The following B4GALT5 variants were observed in gnomAD, a reference collection of about 807,000 sequenced individuals.
The protein encoded by B4GALT5 is UDP-Gal:beta-GlcNAc beta-1,4-galactosyltransferase 5.
B4GALT5 carries 11 observed loss-of-function variants against 45.0 expected under a neutral mutation model. The ratio of observed to expected loss-of-function variants is 0.24; its 90% CI spans 0.15 to 0.40. The LOEUF is 0.40. Among genes scored for constraint, B4GALT5 ranks in the 10% least tolerant of loss-of-function variants. The pLI is 1.00. For missense variants in B4GALT5, 337 were observed against 500.2 expected (o/e 0.67, Z 3.11); for synonymous variants, 185 against 182.9 (o/e 1.01, Z -0.09).
At chr20:49,663,690 A>AAAAAAAAATATATAT (rs1555812124) in intron 1 of B4GALT5, among the ~76,000 whole-genome samples, 2 of 96,946 alleles carry the variant, frequency 2.1e-5, no homozygotes, top group African/African-American at 8.9e-5. Context: ...AAAAAAAAAA[A>AAAAAAAAATATATAT]ATATATACAT....
At chr20:49,672,794 A>G (rs1431509980) in intron 1 of B4GALT5, among the ~76,000 whole-genome samples, 5 of 152,180 alleles carry the variant, frequency 3.3e-5, no homozygotes, top group Non-Finnish European at 7.3e-5. Flanking sequence ...GACCTCCGCA[A>G]AGGCTTGGAT....
chr20:49,670,779 C>T (rs998766205), intron 1 of B4GALT5, among the ~76,000 whole-genome samples: 3 of 152,012 alleles, frequency 2.0e-5, no homozygotes, highest in Admixed American at 6.6e-5. Context: ...AACAGGTATC[C>T]CACACCTTGT....
intron 1 of B4GALT5, among the ~76,000 whole-genome samples, chr20:49,689,007 T>C (rs994360651): frequency 6.6e-6 from 1 of 150,418 alleles, no homozygotes; most frequent in Admixed American, 6.6e-5. Context: ...AAGAGAATGA[T>C]TGATCCAAAA....
rs943987157 is a variant in B4GALT5, at chr20:49,636,101, A to T, written c.*211T>A. On this transcript the variant is annotated 3_prime_UTR_variant, in exon 9 of 9. Coordinates refer to ENST00000371711, the MANE Select transcript of B4GALT5 (RefSeq NM_004776.4). Reference sequence around the variant, plus strand: ...ACAGAAAGCCAGTGCTGACGAAGGAAGTCCCCAAGCTCACTCCCTCAGTTC... The same window carrying T: ...ACAGAAAGCCAGTGCTGACGAAGGATGTCCCCAAGCTCACTCCCTCAGTTC... The T allele has an allele frequency of 5.0e-6, 3 of 600,716 alleles. No homozygotes were observed. Among genetic ancestry groups the T allele is most frequent in the Non-Finnish European group, 8.7e-6 (3 of 346,582 alleles). The allele number at this position is 600,716 out of a possible 1,614,324, so 37.2% of individuals were successfully genotyped here. A position where few individuals can be genotyped will look rare whatever the true frequency, so the allele number is the denominator to read the frequency against.
rs200662345 is a variant in B4GALT5, at chr20:49,713,660, G to C, written c.31C>G (p.Pro11Ala). ...AGCGCGGCGAGCAGCGAGCGGCGCG[G>C]CAGCCGCAGCAGCCCCCGGCGGGCG... is the stretch of plus-strand genomic sequence containing the variant. MRARRGLLRL[P>A]RRSLLAALFF... Residue 11 changes from proline to alanine, a missense_variant, in exon 1 of 9, where the codon CCG (proline) becomes GCG (alanine). Around this residue, in one of 2 missense-constraint regions of B4GALT5, gnomAD observed 174 missense variants for 207.4 expected, o/e 0.84. Coordinates refer to ENST00000371711, the MANE Select transcript of B4GALT5 (RefSeq NM_004776.4). 1 of 1,547,198 alleles carries C rather than the reference G, an allele frequency of 6.5e-7. No homozygotes were observed. The highest frequency in any genetic ancestry group is 8.7e-7 in the Non-Finnish European group (1 of 1,147,030).
intron 1 of B4GALT5, among the ~76,000 whole-genome samples, chr20:49,699,587 T>TAC (rs2146358920): frequency 6.6e-6 from 1 of 152,266 alleles, no homozygotes; most frequent in South Asian, 2.1e-4. Flanking sequence ...CTTTTTCCTA[T>TAC]ACACACATAC....
At chr20:49,639,952 A>G (rs891496497) in intron 6 of B4GALT5, 152 bp from the exon 7 acceptor site, 40 of 1,042,436 alleles carry the variant, frequency 3.8e-5, no homozygotes, top group Non-Finnish European at 5.1e-5. Flanking sequence ...ATTTTTGCAA[A>G]CTGATTTTTA....
At position 49,658,220 on chromosome 20, in the gene B4GALT5, A is replaced by T. The variant is rs908931516; in HGVS notation, c.116-1518T>A. On this transcript the variant is annotated intron_variant, in intron 1 of 8. Transcript: ENST00000371711. ...GGAAAAAAGACAGCTTCCAATTATTAAAAAAAAGTATAACTGTGTGAAGTC... is the reference window on the plus strand; with the variant it reads ...GGAAAAAAGACAGCTTCCAATTATTTAAAAAAAGTATAACTGTGTGAAGTC... Among the ~76,000 whole-genome samples the T allele has an allele frequency of 2.6e-5, 4 of 152,046 alleles. No individual in the cohort carries two copies. The South Asian group carries it at 6.2e-4, about 24-fold the overall frequency.
In B4GALT5 at chr20:49,636,029, G is replaced by C; in HGVS notation, c.*283C>G. ...GACTGCGGCTAAGACAGGATGTGGG[G>C]TAGGAGATGGGGAGAGAGCAGCGGG... On this transcript the variant is annotated 3_prime_UTR_variant, in exon 9 of 9. Coordinates refer to ENST00000371711, the MANE Select transcript of B4GALT5 (RefSeq NM_004776.4). The C allele has an allele frequency of 2.5e-6, 1 of 400,702 alleles. No homozygotes were observed. Among genetic ancestry groups the C allele is most frequent in the Non-Finnish European group, 4.7e-6 (1 of 213,680 alleles). The allele number at this position is 400,702 out of a possible 1,614,324, so 24.8% of individuals were successfully genotyped here.
chr20:49,671,480 A>C (rs1216219614), intron 1 of B4GALT5, among the ~76,000 whole-genome samples: 2 of 152,250 alleles, frequency 1.3e-5, no homozygotes, highest in Non-Finnish European at 2.9e-5. Context: ...GACGGTATAT[A>C]CATTGTATAT....
Position 49,633,166 on chromosome 20 carries a change from GC to G in B4GALT5, c.*3145del, listed in dbSNP as rs1446648184. On this transcript the variant is annotated 3_prime_UTR_variant, in exon 9 of 9. Transcript: ENST00000371711. ...GTAGTGATGGAAATAAGCTAGCTAC[GC>G]TCAATGCCATCGTCAATGGTGAGTG... 1 of 152,638 alleles carries G rather than the reference GC, an allele frequency of 6.6e-6. No homozygotes were observed. Among genetic ancestry groups the G allele is most frequent in the African/African-American group, 2.4e-5 (1 of 41,448 alleles). 9.5% of individuals were successfully genotyped at this position (152,638 alleles called of 1,614,324 possible). A position where few individuals can be genotyped will look rare whatever the true frequency, so the allele number is the denominator to read the frequency against.
chr20:49,647,813 CCTT>C (rs1381156414), intron 2 of B4GALT5, among the ~76,000 whole-genome samples: 7 of 151,796 alleles, frequency 4.6e-5, no homozygotes, highest in Admixed American at 4.6e-4. Context: ...CAGCTTCTGG[CCTT>C]CTTCCATGCC....
In B4GALT5 at chr20:49,669,783, T is replaced by C. The variant is rs144267940; in HGVS notation, c.116-13081A>G. Among the ~76,000 whole-genome samples, 176 of 151,194 alleles carry C rather than the reference T, an allele frequency of 1.2e-3. 2 individuals carry two copies. The highest frequency in any genetic ancestry group is 3.6e-3 in the African/African-American group (149 of 41,180). ...GCCTTGCTTTTTTAAGGTAGAAGTA[T>C]ACTGGTTTTTCTGCAACCACAAAAA... On this transcript the variant is annotated intron_variant, in intron 1 of 8. Transcript: ENST00000371711.
intron 1 of B4GALT5, among the ~76,000 whole-genome samples, chr20:49,671,864 C>A (rs1178560772): frequency 6.6e-6 from 1 of 151,622 alleles, no homozygotes; most frequent in East Asian, 1.9e-4. Context: ...TTTTTTAAAA[C>A]AATAATCAAT....
intron 1 of B4GALT5, among the ~76,000 whole-genome samples, chr20:49,699,801 GCTGAATTTCACC>G (rs140364118): frequency 0.016 from 2,442 of 152,214 alleles, 38 homozygotes; most frequent in East Asian, 0.083. Context: ...CAACCACTCT[GCTGAATTTCACC>G]CTGACAACGT....
In B4GALT5 at chr20:49,684,289, G is replaced by A. The variant is rs6095610; in HGVS notation, c.116-27587C>T. 4.4e-3 allele frequency among the ~76,000 whole-genome samples: 663 copies of A among 151,754 alleles called. 1 individual carries two copies. The highest frequency in any genetic ancestry group is 0.013 in the African/African-American group (551 of 41,366). Reference sequence around the variant, plus strand: ...AATTTAAAAAAAAAGTTGGCTGGGCGCGGTGGCTCATGCCTCTAATCCCAG... The same window carrying A: ...AATTTAAAAAAAAAGTTGGCTGGGCACGGTGGCTCATGCCTCTAATCCCAG... On this transcript the variant is annotated intron_variant, in intron 1 of 8. Coordinates refer to ENST00000371711, the MANE Select transcript of B4GALT5 (RefSeq NM_004776.4).
intron 1 of B4GALT5, among the ~76,000 whole-genome samples, chr20:49,676,616 TTGC>T (rs2085738554): frequency 1.3e-5 from 2 of 152,206 alleles, no homozygotes; most frequent in South Asian, 2.1e-4. Context: ...AGAAGGCCCA[TTGC>T]TCTTGGCTAC....
At chr20:49,701,092 T>C (rs1047587110) in intron 1 of B4GALT5, among the ~76,000 whole-genome samples, 1 of 152,224 alleles carries the variant, frequency 6.6e-6, no homozygotes, top group Non-Finnish European at 1.5e-5. Flanking sequence ...ATAACAGTGA[T>C]ACACTGTCTG....
At chr20:49,657,843 A>G (rs2085649578) in intron 1 of B4GALT5, among the ~76,000 whole-genome samples, 1 of 152,198 alleles carries the variant, frequency 6.6e-6, no homozygotes, top group South Asian at 2.1e-4. Context: ...ACTGAATGGA[A>G]TAATGGACGA....
Sources: gnomAD v4.1 joint callset for allele counts (sites outside exome capture counted in the v4.1 genomes callset) on GRCh38, gnomAD v4.1.1 for gene constraint, gnomAD v4.1.1 regional missense constraint, MANE v1.5 for transcripts, NCBI Gene and HGNC (gene_info 2026-07-23, HGNC 2026-07-21) for gene names.